Variants in CFAP299 observed in about 807,000 individuals in gnomAD.
The protein encoded by CFAP299 is cilia- and flagella-associated protein 299.
In CFAP299, 21 loss-of-function variants were observed where a neutral mutation model predicts 27.0. The observed-to-expected ratio is 0.78, with a 90% CI of 0.55 to 1.12. The LOEUF is 1.12. CFAP299 is among the 50% of genes most tolerant of loss of function. The probability of loss-of-function intolerance (pLI) is 0.00; values close to 1 mark genes in which losing one functional copy is unlikely to be tolerated. For synonymous variants in CFAP299, 104 were observed against 98.1 expected (o/e 1.06, Z -0.36); for missense variants, 310 against 276.6 (o/e 1.12, Z -0.86).
At chr4:80,774,762 C>A (rs946006980) in intron 3 of CFAP299, among the ~76,000 whole-genome samples, 2 of 151,982 alleles carry the variant, frequency 1.3e-5, no homozygotes, top group Non-Finnish European at 2.9e-5. Context: ...AACTCTCATG[C>A]AGATAGTTTG....
At chr4:80,918,417 A>G (rs1735866080) in intron 4 of CFAP299, among the ~76,000 whole-genome samples, 1 of 152,114 alleles carries the variant, frequency 6.6e-6, no homozygotes, top group South Asian at 2.1e-4. Flanking sequence ...CCAACCTACA[A>G]ATGACATTTA....
In CFAP299 at chr4:80,854,955, CTA is replaced by C. The variant is rs552574148; in HGVS notation, c.334-15037_334-15036del. On this transcript the variant is annotated intron_variant, in intron 3 of 5. Coordinates refer to ENST00000358105, the MANE Select transcript of CFAP299 (RefSeq NM_152770.3). ...CAATTCTGATGCTACACTGTGGAATCTAAATTTAATAAAGAGAAAAAATGAGC... is the reference window on the plus strand; with the variant it reads ...CAATTCTGATGCTACACTGTGGAATCAATTTAATAAAGAGAAAAAATGAGC... 2.5e-3 allele frequency among the ~76,000 whole-genome samples: 382 copies of C among 150,658 alleles called. 5 individuals are homozygous for C. The highest frequency in any genetic ancestry group is 8.7e-3 in the African/African-American group (358 of 41,124).
chr4:80,581,155 A>G (rs1736142197), intron 2 of CFAP299, among the ~76,000 whole-genome samples: 1 of 151,794 alleles, frequency 6.6e-6, no homozygotes, highest in Admixed American at 6.6e-5. Flanking sequence ...AAAACAGACC[A>G]TAAGCAGGAA....
At chr4:80,897,322 G>C (rs999463494) in intron 4 of CFAP299, among the ~76,000 whole-genome samples, 1 of 152,092 alleles carries the variant, frequency 6.6e-6, no homozygotes, top group Non-Finnish European at 1.5e-5. Flanking sequence ...GCTGTGCCTG[G>C]CATTGGGAAT....
chr4:80,705,453 G>C (rs986133539), intron 3 of CFAP299, among the ~76,000 whole-genome samples: 1 of 151,804 alleles, frequency 6.6e-6, no homozygotes. Flanking sequence ...GCTTAAACTA[G>C]CATTCCATTA....
At chr4:80,447,345 C>A (rs1343247710) in intron 2 of CFAP299, among the ~76,000 whole-genome samples, 1 of 150,934 alleles carries the variant, frequency 6.6e-6, no homozygotes, top group South Asian at 2.1e-4. Flanking sequence ...CCGTTTTAGC[C>A]GGGATGGTCT....
intron 2 of CFAP299, among the ~76,000 whole-genome samples, chr4:80,565,150 T>C (rs1735218898): frequency 6.6e-6 from 1 of 151,986 alleles, no homozygotes. Flanking sequence ...ATTCCAAGCA[T>C]ATACTGGCAA....
intron 3 of CFAP299, among the ~76,000 whole-genome samples, chr4:80,671,179 A>T (rs892771532): frequency 6.6e-6 from 1 of 152,190 alleles, no homozygotes; most frequent in African/African-American, 2.4e-5. Flanking sequence ...AGGTGTAAGG[A>T]AAGGATCCAG....
At chr4:80,936,270 C>A (rs753524684) in intron 4 of CFAP299, among the ~76,000 whole-genome samples, 1 of 151,856 alleles carries the variant, frequency 6.6e-6, no homozygotes, top group Non-Finnish European at 1.5e-5. Flanking sequence ...ACCATTTGAC[C>A]CAGGAATCAC....
At chr4:80,355,575 C>A (rs1184420156) in intron 1 of CFAP299, among the ~76,000 whole-genome samples, 1 of 151,988 alleles carries the variant, frequency 6.6e-6, no homozygotes, top group Non-Finnish European at 1.5e-5. Context: ...ACAGGCTGGT[C>A]TCGAACTTCT....
At chr4:80,756,968 C>T (rs898222542) in intron 3 of CFAP299, among the ~76,000 whole-genome samples, 2 of 152,106 alleles carry the variant, frequency 1.3e-5, no homozygotes, top group Admixed American at 6.5e-5. Flanking sequence ...TTGACATTCA[C>T]GATTACATTA....
At chr4:80,626,141 C>A (rs1275954332) in intron 3 of CFAP299, among the ~76,000 whole-genome samples, 3 of 151,862 alleles carry the variant, frequency 2.0e-5, no homozygotes, top group African/African-American at 4.8e-5. Flanking sequence ...ATATGTTAGG[C>A]CACAAAGCAA....
At chr4:80,800,524 AATATATTATAT>A (rs1367559765) in intron 3 of CFAP299, among the ~76,000 whole-genome samples, 3,559 of 11,368 alleles carry the variant, frequency 0.31, 391 homozygotes, top group Middle Eastern at 0.5. Flanking sequence ...TATAATATAT[AATATATTATAT>A]AATATATAAT....
intron 2 of CFAP299, among the ~76,000 whole-genome samples, chr4:80,439,487 A>C (rs1399900332): frequency 6.6e-6 from 1 of 152,178 alleles, no homozygotes; most frequent in African/African-American, 2.4e-5. Context: ...CTGAGGGACT[A>C]TGACATGAGG....
chr4:80,605,002 T>A (rs570728693), intron 3 of CFAP299, among the ~76,000 whole-genome samples: 1 of 152,218 alleles, frequency 6.6e-6, no homozygotes, highest in East Asian at 1.9e-4. Flanking sequence ...AAAGTAACAG[T>A]TTATTTTACA....
chr4:80,652,915 G>T (rs771999419), intron 3 of CFAP299, among the ~76,000 whole-genome samples: 1 of 152,104 alleles, frequency 6.6e-6, no homozygotes. Context: ...CCCTGGAATT[G>T]CATACTCATG....
At chr4:80,608,922 G>A (rs1451626447) in intron 3 of CFAP299, among the ~76,000 whole-genome samples, 1 of 151,244 alleles carries the variant, frequency 6.6e-6, no homozygotes, top group Non-Finnish European at 1.5e-5. Flanking sequence ...ATGATTAAAA[G>A]GAGAAGAATA....
Position 80,335,827 on chromosome 4 carries a change from A to G in CFAP299, c.59A>G (p.Tyr20Cys), listed in dbSNP as rs1260655894. The change falls in exon 1 of 6, where the codon TAT (tyrosine) becomes TGT (cysteine). Residue 20 changes from tyrosine (Y) to cysteine (C), a missense_variant. Transcript: ENST00000358105. Reference sequence around the variant, plus strand: ...AATATTGTCACTCAATTCAACGCCTATGAAGATTTCCTGGACTCGCAGATC... The same window carrying G: ...AATATTGTCACTCAATTCAACGCCTGTGAAGATTTCCTGGACTCGCAGATC... ...LDNIVTQFNAYEDFLDSQITT... is the reference protein window; with the variant it reads ...LDNIVTQFNACEDFLDSQITT... The G allele has an allele frequency of 3.1e-6, 5 of 1,613,962 alleles. No homozygotes were observed. Among genetic ancestry groups the G allele is most frequent in the East Asian group, 4.5e-5 (2 of 44,874 alleles).
At chr4:80,434,577 A>T in intron 2 of CFAP299, among the ~76,000 whole-genome samples, 1 of 152,240 alleles carries the variant, frequency 6.6e-6, no homozygotes. Flanking sequence ...GTGATATATA[A>T]AAAGCCTGCA....
Sources: allele counts gnomAD v4.1 joint callset (sites outside exome capture counted in the v4.1 genomes callset), GRCh38; gene constraint gnomAD v4.1.1; transcripts MANE v1.5; gene names NCBI Gene and HGNC (gene_info 2026-07-23, HGNC 2026-07-21).